Variants in FNDC3B observed in about 807,000 individuals in gnomAD.
The protein encoded by FNDC3B is fibronectin type III domain containing 3B.
A neutral mutation model predicts 151.5 loss-of-function variants in FNDC3B; 12 were observed. The ratio of observed to expected loss-of-function variants is 0.08; its 90% CI spans 0.05 to 0.13. The LOEUF (loss-of-function observed/expected upper bound fraction) is 0.13, where lower values mean the gene tolerates loss of function less well. Among genes scored for constraint, FNDC3B ranks in the 10% least tolerant of loss-of-function variants. FNDC3B has a pLI of 1.00. For missense variants in FNDC3B, 1,214 were observed against 1,505.3 expected (o/e 0.81, Z 3.20); for synonymous variants, 528 against 549.0 (o/e 0.96, Z 0.54).
intron 23 of FNDC3B, among the ~76,000 whole-genome samples, chr3:172,365,974 C>CT (rs1734604931): frequency 6.6e-6 from 1 of 152,146 alleles, no homozygotes; most frequent in Admixed American, 6.6e-5. Flanking sequence ...ATCTTTTCAC[C>CT]TTAAGGCAAC....
intron 11 of FNDC3B, among the ~76,000 whole-genome samples, chr3:172,315,285 G>A (rs1731722776): frequency 6.6e-6 from 1 of 152,190 alleles, no homozygotes; most frequent in Admixed American, 6.5e-5. Flanking sequence ...GCTGAGGCAG[G>A]AGAATTGCTA....
intron 6 of FNDC3B, among the ~76,000 whole-genome samples, chr3:172,257,554 C>T (rs1323917659): frequency 1.4e-5 from 2 of 142,818 alleles, no homozygotes; most frequent in Admixed American, 1.5e-4. Flanking sequence ...ACCCCTACCA[C>T]ATCACACGCA....
intron 7 of FNDC3B, among the ~76,000 whole-genome samples, chr3:172,293,652 A>G (rs1730452726): frequency 6.6e-6 from 1 of 152,186 alleles, no homozygotes; most frequent in South Asian, 2.1e-4. Context: ...AATTTAGAGA[A>G]GGCTACTGGG....
chr3:172,229,719 A>G (rs547568655), intron 4 of FNDC3B, among the ~76,000 whole-genome samples: 10 of 152,324 alleles, frequency 6.6e-5, no homozygotes, highest in African/African-American at 2.4e-4. Flanking sequence ...CTAAATATAA[A>G]TGATTGTCCA....
chr3:172,178,078 T>A (rs1195506098), intron 3 of FNDC3B, among the ~76,000 whole-genome samples: 1 of 152,178 alleles, frequency 6.6e-6, no homozygotes, highest in Non-Finnish European at 1.5e-5. Flanking sequence ...GTGTACCACA[T>A]TTAGAAAGGA....
chr3:172,304,099 A>G (rs553296527), intron 9 of FNDC3B, among the ~76,000 whole-genome samples: 20 of 152,278 alleles, frequency 1.3e-4, no homozygotes, highest in Admixed American at 1.1e-3. Flanking sequence ...TTTTACTTTT[A>G]TCCTCACTGC....
chr3:172,130,413 A>T (rs571359857), intron 2 of FNDC3B, among the ~76,000 whole-genome samples: 1 of 152,172 alleles, frequency 6.6e-6, no homozygotes, highest in African/African-American at 2.4e-5. Flanking sequence ...TGAAAATTAC[A>T]TGAACTAAAC....
At chr3:172,254,387 G>T (rs1728231440) in intron 6 of FNDC3B, among the ~76,000 whole-genome samples, 1 of 151,310 alleles carries the variant, frequency 6.6e-6, no homozygotes, top group South Asian at 2.1e-4. Flanking sequence ...CCTCCATTGG[G>T]GATAATGTAT....
At chr3:172,354,798 A>G (rs993941964) in intron 22 of FNDC3B, among the ~76,000 whole-genome samples, 3 of 151,810 alleles carry the variant, frequency 2.0e-5, no homozygotes, top group Non-Finnish European at 4.4e-5. Context: ...CTAGATAAAA[A>G]CATGTGGAAT....
chr3:172,217,776 C>T (rs567618926), intron 3 of FNDC3B, among the ~76,000 whole-genome samples: 24 of 152,110 alleles, frequency 1.6e-4, no homozygotes, highest in Middle Eastern at 3.4e-3. Context: ...AATTAAACCC[C>T]GGTCTTTCTA....
intron 6 of FNDC3B, among the ~76,000 whole-genome samples, chr3:172,265,537 C>A (rs949716908): frequency 6.6e-6 from 1 of 152,072 alleles, no homozygotes; most frequent in Non-Finnish European, 1.5e-5. Flanking sequence ...TGGCTAGAGT[C>A]CTATTGATTA....
intron 3 of FNDC3B, among the ~76,000 whole-genome samples, chr3:172,214,117 G>T (rs778325286): frequency 5.9e-5 from 9 of 152,162 alleles, no homozygotes; most frequent in Non-Finnish European, 1.3e-4. Flanking sequence ...TTGCTTGGGG[G>T]TGTTTACTGA....
At chr3:172,271,707 C>A (rs1729209564) in intron 6 of FNDC3B, among the ~76,000 whole-genome samples, 1 of 152,168 alleles carries the variant, frequency 6.6e-6, no homozygotes, top group Admixed American at 6.5e-5. Context: ...AGGTAAACGT[C>A]AAGTCTGCAT....
chr3:172,129,533 A>G (rs1720966659), intron 2 of FNDC3B, among the ~76,000 whole-genome samples: 1 of 152,174 alleles, frequency 6.6e-6, no homozygotes, highest in South Asian at 2.1e-4. Flanking sequence ...CTCCTGTTAG[A>G]CAAAGAATTC....
chr3:172,130,059 G>C (rs1433915900), intron 2 of FNDC3B, among the ~76,000 whole-genome samples: 1 of 152,086 alleles, frequency 6.6e-6, no homozygotes, highest in Non-Finnish European at 1.5e-5. Context: ...TAAGTGCCGG[G>C]AGTTGGCCAG....
At chr3:172,141,012 G>A (rs1440724871) in intron 3 of FNDC3B, among the ~76,000 whole-genome samples, 1 of 152,106 alleles carries the variant, frequency 6.6e-6, no homozygotes, top group African/African-American at 2.4e-5. Flanking sequence ...TGCTTAACCT[G>A]TTAGCCCCAA....
At chr3:172,102,741 G>A (rs1204986533) in intron 1 of FNDC3B, among the ~76,000 whole-genome samples, 1 of 152,118 alleles carries the variant, frequency 6.6e-6, no homozygotes, top group African/African-American at 2.4e-5. Flanking sequence ...GGGAGGAGGA[G>A]CATGTGTTCT....
intron 6 of FNDC3B, among the ~76,000 whole-genome samples, chr3:172,280,234 A>G (rs1463536396): frequency 6.6e-6 from 1 of 152,106 alleles, no homozygotes; most frequent in Admixed American, 6.5e-5. Context: ...CATTCTTAAT[A>G]TTGTTTTCTT....
rs1018788052 is a variant in FNDC3B, at chr3:172,088,887, A to G, written c.-28-23565A>G. ...GCTTAAAATGATTAGCTTGTACAAAAGCTATAACAATAGTAATATTTTTAC... is the reference window on the plus strand; with the variant it reads ...GCTTAAAATGATTAGCTTGTACAAAGGCTATAACAATAGTAATATTTTTAC... On this transcript the variant is annotated intron_variant, in intron 1 of 25. Coordinates refer to ENST00000415807, the MANE Select transcript of FNDC3B (RefSeq NM_022763.4). Among the ~76,000 whole-genome samples, 29 of 152,228 alleles carry G rather than the reference A, an allele frequency of 1.9e-4. 1 individual carries two copies. The highest frequency in any genetic ancestry group is 7.0e-4 in the African/African-American group (29 of 41,458).
Sources: allele counts gnomAD v4.1 joint callset (sites outside exome capture counted in the v4.1 genomes callset), GRCh38; gene constraint gnomAD v4.1.1; transcripts MANE v1.5; gene names NCBI Gene and HGNC (gene_info 2026-07-23, HGNC 2026-07-21).